SLC25A48: variants seen among roughly 807,000 people sequenced by gnomAD.
SLC25A48 encodes CTC-321K16.1.
SLC25A48 carries 29 observed loss-of-function variants against 32.2 expected under a neutral mutation model. That is an observed-to-expected ratio of 0.90 (90% CI 0.67 to 1.23). The LOEUF is 1.23. SLC25A48 is among the 50% of genes most tolerant of loss of function. The pLI is 0.00. For synonymous variants in SLC25A48, 164 were observed against 172.3 expected (o/e 0.95, Z 0.38); for missense variants, 399 against 422.7 (o/e 0.94, Z 0.49).
chr5:135,663,783 A>G (rs1483370841), intron 3 of SLC25A48, among the ~76,000 whole-genome samples: 5 of 152,148 alleles, frequency 3.3e-5, no homozygotes, highest in Admixed American at 6.5e-5. Flanking sequence ...TGTTATCACA[A>G]GATTCTGGCC....
chr5:135,852,411 C>T (rs1294912177), intron 3 of SLC25A48, 152 bp from the exon 4 acceptor site: 2 of 945,072 alleles, frequency 2.1e-6, no homozygotes, highest in African/African-American at 1.6e-5. Flanking sequence ...TGAGTGGTTC[C>T]CCACCCCCTA....
chr5:135,876,734 G>C (rs576136785), intron 6 of SLC25A48, among the ~76,000 whole-genome samples: 2 of 152,178 alleles, frequency 1.3e-5, no homozygotes, highest in Non-Finnish European at 2.9e-5. Context: ...ATATGTGACT[G>C]TTTACTTATG....
chr5:135,840,561 TC>T (rs1758906784), intron 1 of SLC25A48, among the ~76,000 whole-genome samples: 2 of 152,122 alleles, frequency 1.3e-5, no homozygotes, highest in Non-Finnish European at 2.9e-5. Context: ...GCTTCAAGAG[TC>T]ACTCCCATTT....
At chr5:135,722,567 T>C (rs1314899813) in intron 3 of SLC25A48, among the ~76,000 whole-genome samples, 1 of 152,252 alleles carries the variant, frequency 6.6e-6, no homozygotes, top group African/African-American at 2.4e-5. Flanking sequence ...CTGTGATGTG[T>C]GGCCTTGAAT....
intron 3 of SLC25A48, among the ~76,000 whole-genome samples, chr5:135,785,422 T>A (rs1756812856): frequency 6.6e-6 from 1 of 151,340 alleles, no homozygotes; most frequent in Non-Finnish European, 1.5e-5. Context: ...AGGGTGATAT[T>A]ACTCCCTATG....
In SLC25A48 at chr5:135,888,016, T is replaced by A. The variant is rs1163839201; in HGVS notation, c.*8-16T>A. On this transcript the variant is annotated splice_polypyrimidine_tract_variant and intron_variant, in intron 7 of 7. Transcript: ENST00000681962. ...CCTGCCTTCTTCTCTGAGTCTGGGTTGTTTGCTGTTTCCAGGAGGTGAACA... is the reference window on the plus strand; with the variant it reads ...CCTGCCTTCTTCTCTGAGTCTGGGTAGTTTGCTGTTTCCAGGAGGTGAACA... The A allele has an allele frequency of 6.4e-6, 10 of 1,551,040 alleles. No homozygotes were observed. Among genetic ancestry groups the A allele is most frequent in the Non-Finnish European group, 8.7e-6 (10 of 1,146,386 alleles).
intron 1 of SLC25A48, among the ~76,000 whole-genome samples, chr5:135,598,518 G>A (rs927493223): frequency 6.6e-6 from 1 of 152,170 alleles, no homozygotes; most frequent in African/African-American, 2.4e-5. Context: ...TCTTATAAAG[G>A]GTTGCAGCCT....
intron 3 of SLC25A48, among the ~76,000 whole-genome samples, chr5:135,736,396 G>A (rs1038847375): frequency 4.6e-5 from 7 of 152,242 alleles, no homozygotes; most frequent in Admixed American, 3.9e-4. Context: ...AAGGCATTTA[G>A]GTTTTAGGTC....
chr5:135,739,587 C>T (rs1423246579), intron 3 of SLC25A48, among the ~76,000 whole-genome samples: 3 of 152,214 alleles, frequency 2.0e-5, no homozygotes, highest in Non-Finnish European at 4.4e-5. Flanking sequence ...CAAGCTTTCA[C>T]AAGATGGCAG....
intron 3 of SLC25A48, among the ~76,000 whole-genome samples, chr5:135,684,804 T>C (rs1451467481): frequency 1.3e-5 from 2 of 152,206 alleles, no homozygotes; most frequent in South Asian, 2.1e-4. Flanking sequence ...GAGTGTTCCA[T>C]TGTGTGGGTA....
chr5:135,753,936 C>T (rs1349295329), intron 3 of SLC25A48, among the ~76,000 whole-genome samples: 2 of 151,896 alleles, frequency 1.3e-5, no homozygotes, highest in Non-Finnish European at 2.9e-5. Flanking sequence ...CAGTTGTATA[C>T]CCAATGTGAC....
chr5:135,716,019 A>G lies in SLC25A48; in HGVS notation c.-521+81063A>G, dbSNP rs546898662. On this transcript the variant is annotated intron_variant, in intron 3 of 10. Transcript: ENST00000646290. Reference sequence around the variant, plus strand: ...TTAATTTCTAGCACTAATAACTGCCAGTTATCCAGAAGTGCAGTTTCCAAG... The same window carrying G: ...TTAATTTCTAGCACTAATAACTGCCGGTTATCCAGAAGTGCAGTTTCCAAG... 2.0e-5 allele frequency among the ~76,000 whole-genome samples: 3 copies of G among 152,324 alleles called. No homozygotes were observed. In the South Asian group the frequency reaches 6.2e-4, roughly 32 times the overall value.
intron 1 of SLC25A48, among the ~76,000 whole-genome samples, chr5:135,586,032 A>G (rs1751358551): frequency 6.6e-6 from 1 of 152,236 alleles, no homozygotes; most frequent in South Asian, 2.1e-4. Flanking sequence ...ATATTAATTT[A>G]TTTAATTTTC....
At chr5:135,864,834 G>T (rs997581224) in intron 4 of SLC25A48, among the ~76,000 whole-genome samples, 1 of 152,232 alleles carries the variant, frequency 6.6e-6, no homozygotes, top group African/African-American at 2.4e-5. Flanking sequence ...ACAACAGCAA[G>T]TATTGTCCTG....
chr5:135,801,233 G>C (rs989803293), intron 3 of SLC25A48, among the ~76,000 whole-genome samples: 1 of 150,232 alleles, frequency 6.7e-6, no homozygotes, highest in African/African-American at 2.4e-5. Flanking sequence ...CACAAGGGGT[G>C]TACACCCCCT....
chr5:135,877,806 C>T (rs1762165592), intron 6 of SLC25A48, among the ~76,000 whole-genome samples: 1 of 152,124 alleles, frequency 6.6e-6, no homozygotes, highest in African/African-American at 2.4e-5. Context: ...AGGTGAGGGG[C>T]CATCATCCAC....
intron 3 of SLC25A48, among the ~76,000 whole-genome samples, chr5:135,702,561 T>C (rs935660557): frequency 2.6e-5 from 4 of 152,272 alleles, no homozygotes; most frequent in African/African-American, 2.4e-5. Flanking sequence ...CAAATTTCTA[T>C]TGTTTTAAGC....
At chr5:135,724,709 T>G (rs1755047387) in intron 3 of SLC25A48, among the ~76,000 whole-genome samples, 2 of 152,270 alleles carry the variant, frequency 1.3e-5, no homozygotes, top group Non-Finnish European at 2.9e-5. Context: ...TCTTGACCTA[T>G]GACCAGGGTT....
chr5:135,689,562 AG>A (rs1174413773), intron 3 of SLC25A48, among the ~76,000 whole-genome samples: 1 of 152,198 alleles, frequency 6.6e-6, no homozygotes, highest in African/African-American at 2.4e-5. Flanking sequence ...ACAGTAATAG[AG>A]GTGCCTTTTC....
Sources: gnomAD v4.1 joint callset for allele counts (sites outside exome capture counted in the v4.1 genomes callset) on GRCh38, gnomAD v4.1.1 for gene constraint, MANE v1.5 for transcripts, NCBI Gene and HGNC (gene_info 2026-07-23, HGNC 2026-07-21) for gene names.